Variants in NFIC observed in about 807,000 individuals in gnomAD.
The protein encoded by NFIC is nuclear factor 1 C-type.
In NFIC, 12 loss-of-function variants were observed where a neutral mutation model predicts 54.4. The observed-to-expected ratio is 0.22, with a 90% CI of 0.14 to 0.36. NFIC has a LOEUF of 0.36. Among genes scored for constraint, NFIC ranks in the 10% least tolerant of loss-of-function variants. The pLI is 1.00. For synonymous variants in NFIC, 322 were observed against 319.2 expected, an observed-to-expected ratio of 1.01 and a Z score of -0.09; for missense variants, 575 against 718.2, an observed-to-expected ratio of 0.80 and a Z score of 2.28.
intron 6 of NFIC, 74 bp downstream of exon 6, chr19:3,435,281 C>G: frequency 6.9e-7 from 1 of 1,441,588 alleles, no homozygotes; most frequent in South Asian, 1.4e-5. Flanking sequence ...CTTCCGGCAG[C>G]CACTGCGCGG....
intron 6 of NFIC, among the ~76,000 whole-genome samples, chr19:3,438,563 G>A (rs1447799427): frequency 2.7e-5 from 4 of 150,896 alleles, no homozygotes; most frequent in African/African-American, 4.9e-5. Flanking sequence ...TCAGCCTCCC[G>A]AGTAGCTGGG....
chr19:3,408,476 C>G (rs2081693454), intron 2 of NFIC, among the ~76,000 whole-genome samples: 2 of 152,048 alleles, frequency 1.3e-5, no homozygotes, highest in African/African-American at 4.8e-5. Flanking sequence ...GGGTTTCACT[C>G]TGTCACCCAG....
chr19:3,410,918 C>T (rs531088469), intron 2 of NFIC: 6 of 152,396 alleles, frequency 3.9e-5, no homozygotes, highest in African/African-American at 7.2e-5. Context: ...CTCCATCGAA[C>T]GCAGGTTTCA....
chr19:3,418,661 G>A lies in NFIC; in HGVS notation c.563-6445G>A, dbSNP rs554740431. 6.6e-5 allele frequency among the ~76,000 whole-genome samples: 10 copies of A among 152,268 alleles called. No individual in the cohort carries two copies. In the East Asian group the frequency reaches 1.7e-3, roughly 26 times the overall value. On this transcript the variant is annotated intron_variant, in intron 2 of 10. Coordinates refer to ENST00000443272, the MANE Select transcript of NFIC (RefSeq NM_001245002.2). ...GACGTCAGGAATTCAAGACCGGCCT[G>A]GCTAACATGGCAAAATCCTGTCTCT...
At chr19:3,441,763 A>G (rs2082297401) in intron 6 of NFIC, among the ~76,000 whole-genome samples, 1 of 152,136 alleles carries the variant, frequency 6.6e-6, no homozygotes, top group African/African-American at 2.4e-5. Context: ...AGGCTGTCCC[A>G]AGCCGGGTGC....
intron 3 of NFIC, among the ~76,000 whole-genome samples, chr19:3,426,965 C>T (rs1049693372): frequency 1.4e-5 from 2 of 143,322 alleles, no homozygotes; most frequent in African/African-American, 5.3e-5. Context: ...CAGGCTCTGT[C>T]GCCCAGGCTA....
chr19:3,360,613 C>T (rs1458808174), intron 1 of NFIC, among the ~76,000 whole-genome samples: 1 of 152,198 alleles, frequency 6.6e-6, no homozygotes, highest in Non-Finnish European at 1.5e-5. Flanking sequence ...GCGTCGGCTC[C>T]GCCGCTTTCT....
At chr19:3,420,694 T>C (rs1302601442) in intron 2 of NFIC, among the ~76,000 whole-genome samples, 3 of 152,038 alleles carry the variant, frequency 2.0e-5, no homozygotes, top group African/African-American at 7.2e-5. Context: ...ATGGCAGCCA[T>C]GGTTCTGGGA....
chr19:3,418,431 A>G (rs1178990062), intron 2 of NFIC, among the ~76,000 whole-genome samples: 1 of 152,192 alleles, frequency 6.6e-6, no homozygotes, highest in African/African-American at 2.4e-5. Context: ...TTAAATGTAA[A>G]AAGTCATATG....
intron 2 of NFIC, among the ~76,000 whole-genome samples, chr19:3,398,011 T>G (rs1322655157): frequency 6.6e-6 from 1 of 152,032 alleles, no homozygotes; most frequent in Non-Finnish European, 1.5e-5. Flanking sequence ...GGGGGCTCCT[T>G]GGTGCCACCC....
At chr19:3,371,998 C>CCACTCT (rs2081026891) in intron 1 of NFIC, among the ~76,000 whole-genome samples, 1 of 35,370 alleles carries the variant, frequency 2.8e-5, no homozygotes, top group East Asian at 9.6e-4. Context: ...CCTCTCTCTC[C>CCACTCT]CTCTCTCTCT....
At chr19:3,384,955 C>G (rs988398578) in intron 2 of NFIC, among the ~76,000 whole-genome samples, 1 of 151,264 alleles carries the variant, frequency 6.6e-6, no homozygotes, top group Non-Finnish European at 1.5e-5. Flanking sequence ...CCGTGCTGAG[C>G]TGATACAATT....
At chr19:3,362,265 T>C (rs1191722778), upstream of NFIC, among the ~76,000 whole-genome samples, 1 of 151,994 alleles carries the variant, frequency 6.6e-6, no homozygotes, top group East Asian at 1.9e-4. Context: ...GGAGTGTGTC[T>C]GTGATTGTGG....
intron 2 of NFIC, among the ~76,000 whole-genome samples, chr19:3,418,803 G>A (rs1199609795): frequency 6.6e-6 from 1 of 152,150 alleles, no homozygotes; most frequent in African/African-American, 2.4e-5. Flanking sequence ...AGTGAGCCGA[G>A]ATTGTGCCAC....
chr19:3,391,860 C>G (rs1334377016), intron 2 of NFIC, among the ~76,000 whole-genome samples: 3 of 151,978 alleles, frequency 2.0e-5, no homozygotes, highest in Admixed American at 1.3e-4. Context: ...AATCATGGAA[C>G]AATAAATAAG....
upstream of NFIC, among the ~76,000 whole-genome samples, chr19:3,363,262 TATATATA>T (rs1270145786): frequency 4.8e-4 from 34 of 70,340 alleles, no homozygotes; most frequent in Non-Finnish European, 7.4e-4. Context: ...TATATATATA[TATATATA>T]TTTTTTTTTT....
chr19:3,394,240 A>T (rs1241164005), intron 2 of NFIC, among the ~76,000 whole-genome samples: 4 of 152,042 alleles, frequency 2.6e-5, no homozygotes, highest in African/African-American at 9.7e-5. Flanking sequence ...GCCCTTTGGG[A>T]GGCTGAGGTG....
rs2082662032 is a variant in NFIC, at chr19:3,462,887, G to A, written c.*118G>A. ...TAGAGTGAACAAGAACACCCCTGCC[G>A]ACTCCCAGCCCGGCCAAAAAGACAA... On this transcript the variant is annotated 3_prime_UTR_variant, in exon 11 of 11. Transcript: ENST00000443272. The A allele has an allele frequency of 1.9e-6, 3 of 1,581,794 alleles. No individual in the cohort carries two copies. The highest frequency in any genetic ancestry group is 1.7e-6 in the Non-Finnish European group (2 of 1,167,948).
intron 10 of NFIC, among the ~76,000 whole-genome samples, chr19:3,462,508 C>T (rs1212095611): frequency 6.6e-6 from 1 of 152,150 alleles, no homozygotes; most frequent in Non-Finnish European, 1.5e-5. Flanking sequence ...TCTGTGTTAA[C>T]CAGAACTCCA....
Sources: gnomAD v4.1 joint callset for allele counts (sites outside exome capture counted in the v4.1 genomes callset) on GRCh38, gnomAD v4.1.1 for gene constraint, MANE v1.5 for transcripts, NCBI Gene and HGNC (gene_info 2026-07-23, HGNC 2026-07-21) for gene names.